Variants in CDH12 observed in about 807,000 individuals in gnomAD.
CDH12 encodes the protein cadherin-12.
Under a neutral mutation model 74.1 loss-of-function variants are expected in CDH12, and 41 were observed. The observed-to-expected ratio is 0.55, with a 90% CI of 0.43 to 0.72. The LOEUF (loss-of-function observed/expected upper bound fraction) is 0.72. Among genes scored for constraint, CDH12 ranks in the 30% least tolerant of loss-of-function variants. The pLI, the probability that CDH12 is intolerant of heterozygous loss-of-function variation, is 0.00. For missense variants in CDH12, 945 were observed against 977.2 expected (o/e 0.97, Z 0.44); for synonymous variants, 399 against 355.0 (o/e 1.12, Z -1.39).
chr5:22,191,745 T>C (rs1273340999), intron 4 of CDH12, among the ~76,000 whole-genome samples: 1 of 151,094 alleles, frequency 6.6e-6, no homozygotes, highest in Non-Finnish European at 1.5e-5. Flanking sequence ...TTTGTATTTT[T>C]AGTAGAGACG....
intron 3 of CDH12, among the ~76,000 whole-genome samples, chr5:22,398,398 A>T (rs1742557392): frequency 6.6e-6 from 1 of 152,104 alleles, no homozygotes; most frequent in Non-Finnish European, 1.5e-5. Context: ...CTCTTTTACA[A>T]TTACTTCTAG....
chr5:22,195,187 G>A lies in CDH12; in HGVS notation c.-187+17311C>T, dbSNP rs548976933. On this transcript the variant is annotated intron_variant, in intron 4 of 14. Transcript: ENST00000382254. ...AGGTCGTAGCTAGAATCAGTGACAG[G>A]GCAATGTCAGTGAAATATTGGGACT... Among the ~76,000 whole-genome samples, 45 of 152,286 alleles carry A rather than the reference G, an allele frequency of 3.0e-4. 1 individual carries two copies. The South Asian group carries it at 6.4e-3, about 22-fold the overall frequency.
chr5:22,528,852 T>C (rs577961994), intron 1 of CDH12, among the ~76,000 whole-genome samples: 1 of 152,142 alleles, frequency 6.6e-6, no homozygotes, highest in African/African-American at 2.4e-5. Context: ...CTAATGAATA[T>C]AGAATTATTA....
chr5:22,611,694 C>A (rs1737408527), intron 1 of CDH12, among the ~76,000 whole-genome samples: 1 of 152,104 alleles, frequency 6.6e-6, no homozygotes, highest in Non-Finnish European at 1.5e-5. Context: ...TAAATAATTA[C>A]ACTCAGCTGA....
chr5:21,915,785 G>A (rs1187163604), intron 6 of CDH12, among the ~76,000 whole-genome samples: 7 of 150,472 alleles, frequency 4.7e-5, no homozygotes, highest in Non-Finnish European at 4.4e-5. Flanking sequence ...CGCTCCATCC[G>A]CTAAGCCTTG....
chr5:22,177,715 AC>A (rs995272387), intron 4 of CDH12, among the ~76,000 whole-genome samples: 3 of 152,056 alleles, frequency 2.0e-5, no homozygotes, highest in African/African-American at 7.2e-5. Flanking sequence ...GAGGAGAGCC[AC>A]CCACCTATCA....
intron 2 of CDH12, among the ~76,000 whole-genome samples, chr5:22,410,611 C>T (rs1454102270): frequency 1.3e-5 from 2 of 152,090 alleles, no homozygotes; most frequent in African/African-American, 4.8e-5. Flanking sequence ...TCTGAAGGCT[C>T]TCATTTATAC....
At chr5:22,244,768 GAAA>G (rs1752880882) in intron 3 of CDH12, among the ~76,000 whole-genome samples, 1 of 122,242 alleles carries the variant, frequency 8.2e-6, no homozygotes, top group South Asian at 3.0e-4. Flanking sequence ...AAGAAAGAAA[GAAA>G]GAAAGAAAGA....
At chr5:21,927,358 G>A (rs1468242557) in intron 6 of CDH12, among the ~76,000 whole-genome samples, 4 of 151,364 alleles carry the variant, frequency 2.6e-5, no homozygotes, top group African/African-American at 4.9e-5. Context: ...GGCCCAGGTC[G>A]GCAGATCGCT....
chr5:22,690,590 G>GGAACA (rs1742032093), intron 1 of CDH12, among the ~76,000 whole-genome samples: 1 of 152,092 alleles, frequency 6.6e-6, no homozygotes, highest in Non-Finnish European at 1.5e-5. Context: ...TATAACATAA[G>GGAACA]GAACAGAACA....
chr5:22,742,962 C>T (rs1745102882), intron 1 of CDH12, among the ~76,000 whole-genome samples: 1 of 151,588 alleles, frequency 6.6e-6, no homozygotes, highest in Non-Finnish European at 1.5e-5. Context: ...ATTGTCATTT[C>T]TAATGTGGTT....
intron 3 of CDH12, among the ~76,000 whole-genome samples, chr5:22,223,056 G>T (rs1352814152): frequency 1.3e-5 from 2 of 151,816 alleles, no homozygotes; most frequent in Non-Finnish European, 2.9e-5. Context: ...TGAATTGAAG[G>T]TTTACATATC....
chr5:22,788,295 TA>T (rs1561031349), intron 1 of CDH12, among the ~76,000 whole-genome samples: 1 of 152,130 alleles, frequency 6.6e-6, no homozygotes, highest in African/African-American at 2.4e-5. Context: ...GCTATAAATT[TA>T]TCCTTTATTT....
chr5:21,801,305 C>G (rs1041052128), intron 10 of CDH12, among the ~76,000 whole-genome samples: 1 of 152,124 alleles, frequency 6.6e-6, no homozygotes, highest in Non-Finnish European at 1.5e-5. Flanking sequence ...TAAAAACCTA[C>G]TTAATATTTT....
chr5:22,720,598 A>C (rs929514043), intron 1 of CDH12, among the ~76,000 whole-genome samples: 1 of 152,108 alleles, frequency 6.6e-6, no homozygotes, highest in Non-Finnish European at 1.5e-5. Context: ...GGGCTCAGAA[A>C]AAGACAGAAA....
chr5:21,798,538 T>C (rs992616050), intron 10 of CDH12, among the ~76,000 whole-genome samples: 9 of 152,096 alleles, frequency 5.9e-5, no homozygotes, highest in Admixed American at 3.9e-4. Context: ...GATGTTTATG[T>C]TTCCCCAAAA....
At chr5:22,785,893 G>A (rs1178090619) in intron 1 of CDH12, among the ~76,000 whole-genome samples, 2 of 152,016 alleles carry the variant, frequency 1.3e-5, no homozygotes, top group Non-Finnish European at 2.9e-5. Flanking sequence ...TTCAATCATT[G>A]GAAAAGACGT....
chr5:22,271,579 C>T (rs1269730775), intron 3 of CDH12, among the ~76,000 whole-genome samples: 1 of 152,070 alleles, frequency 6.6e-6, no homozygotes, highest in African/African-American at 2.4e-5. Context: ...TGAGATCCAA[C>T]AAAGGAATCA....
chr5:22,449,410 T>C (rs1409874680), intron 2 of CDH12, among the ~76,000 whole-genome samples: 1 of 152,092 alleles, frequency 6.6e-6, no homozygotes. Flanking sequence ...TTCATTCTTT[T>C]CTCTGAATGT....
Sources: gnomAD v4.1 joint callset for allele counts (sites outside exome capture counted in the v4.1 genomes callset) on GRCh38, gnomAD v4.1.1 for gene constraint, MANE v1.5 for transcripts, NCBI Gene and HGNC (gene_info 2026-07-23, HGNC 2026-07-21) for gene names.